The following SPAG16 variants were observed in gnomAD, a reference collection of about 807,000 sequenced individuals.
The protein encoded by SPAG16 is sperm associated antigen 16.
SPAG16 carries 86 observed loss-of-function variants against 80.4 expected under a neutral mutation model. The ratio of observed to expected loss-of-function variants is 1.07; its 90% CI spans 0.90 to 1.28. SPAG16 has a LOEUF of 1.28. Ranked by LOEUF, SPAG16 falls within the 50% of genes most tolerant of loss-of-function variation. The pLI is 0.00. For synonymous variants in SPAG16, 294 were observed against 265.9 expected, an observed-to-expected ratio of 1.11 and a Z score of -1.03; for missense variants, 870 against 765.3, an observed-to-expected ratio of 1.14 and a Z score of -1.61.
intron 15 of SPAG16, among the ~76,000 whole-genome samples, chr2:214,173,717 T>G (rs976550656): frequency 6.6e-6 from 1 of 151,844 alleles, no homozygotes; most frequent in Non-Finnish European, 1.5e-5. Context: ...CCTCCCTAAC[T>G]CATTTTATGA....
chr2:213,683,346 T>C (rs1385053884), intron 10 of SPAG16, among the ~76,000 whole-genome samples: 2 of 152,064 alleles, frequency 1.3e-5, no homozygotes, highest in African/African-American at 4.8e-5. Context: ...AGGTCAGAAG[T>C]TCAAGAGCAG....
intron 10 of SPAG16, among the ~76,000 whole-genome samples, chr2:213,856,522 C>T (rs893639198): frequency 1.3e-5 from 2 of 152,224 alleles, no homozygotes; most frequent in East Asian, 3.9e-4. Flanking sequence ...AGCAGAGGTT[C>T]TCCATGAGGA....
intron 10 of SPAG16, among the ~76,000 whole-genome samples, chr2:213,846,780 A>G (rs1336348571): frequency 1.3e-5 from 2 of 152,192 alleles, no homozygotes; most frequent in African/African-American, 2.4e-5. Context: ...ATTTGCACCA[A>G]TTTAGTGACT....
At chr2:213,429,526 C>A (rs2070157401) in intron 9 of SPAG16, among the ~76,000 whole-genome samples, 2 of 152,132 alleles carry the variant, frequency 1.3e-5, no homozygotes, top group Admixed American at 6.5e-5. Flanking sequence ...GAACTATTGG[C>A]CTGAAGTTCG....
At chr2:214,375,549 C>T (rs560947574) in intron 15 of SPAG16, among the ~76,000 whole-genome samples, 3 of 152,160 alleles carry the variant, frequency 2.0e-5, no homozygotes, top group Non-Finnish European at 4.4e-5. Context: ...CAAATACACA[C>T]ACACAAACTT....
Position 214,149,169 on chromosome 2 carries a change from TG to T in SPAG16, c.1627del (p.Val543LeufsTer18). 6.3e-7 allele frequency: 1 copy of T among 1,591,546 alleles called. No individual in the cohort carries two copies. Among genetic ancestry groups the T allele is most frequent in the South Asian group, 1.1e-5 (1 of 89,596 alleles). ...ACATGATAGCATCCTGTGATGCCTG[TG>T]GGGTTACAAAGCTGTGGGACTTTCG... Reference protein sequence around the residue: ...GHMIASCDACGVTKLWDFRKL... With the variant: ...GHMIASCDACXVTKLWDFRKL... On this transcript the variant is annotated frameshift_variant, in exon 15 of 16. Coordinates refer to ENST00000331683, the MANE Select transcript of SPAG16 (RefSeq NM_024532.5). LOFTEE classifies it high-confidence loss of function.
intron 14 of SPAG16, among the ~76,000 whole-genome samples, chr2:214,112,561 T>C (rs1336503680): frequency 6.6e-6 from 1 of 152,146 alleles, no homozygotes; most frequent in African/African-American, 2.4e-5. Context: ...TTTACCGTTA[T>C]GTAATGGCTT....
At chr2:213,382,137 A>C (rs2067205338) in intron 9 of SPAG16, among the ~76,000 whole-genome samples, 1 of 152,202 alleles carries the variant, frequency 6.6e-6, no homozygotes, top group Admixed American at 6.5e-5. Flanking sequence ...TGACATTGAA[A>C]CAAGAGTGGA....
intron 15 of SPAG16, among the ~76,000 whole-genome samples, chr2:214,341,198 C>G (rs1437346687): frequency 2.0e-5 from 3 of 151,906 alleles, no homozygotes; most frequent in African/African-American, 7.3e-5. Flanking sequence ...TTGAAAAATA[C>G]ATATTTGGAA....
At chr2:214,395,285 C>A (rs1574500335) in intron 15 of SPAG16, among the ~76,000 whole-genome samples, 2 of 152,144 alleles carry the variant, frequency 1.3e-5, no homozygotes, top group East Asian at 3.9e-4. Context: ...AACTGCTAAA[C>A]CATCTTCCAA....
intron 2 of SPAG16, among the ~76,000 whole-genome samples, chr2:213,296,796 C>A (rs1448749807): frequency 6.6e-6 from 1 of 152,122 alleles, no homozygotes; most frequent in Non-Finnish European, 1.5e-5. Flanking sequence ...ACATAAGAAG[C>A]GTGTGTTAAG....
intron 10 of SPAG16, among the ~76,000 whole-genome samples, chr2:213,668,320 T>C (rs1026884987): frequency 6.6e-6 from 1 of 152,102 alleles, no homozygotes; most frequent in East Asian, 1.9e-4. Context: ...GGGTGCTTTT[T>C]TTTTTTTGAA....
chr2:213,465,575 C>T (rs2072639023), intron 9 of SPAG16, among the ~76,000 whole-genome samples: 1 of 152,142 alleles, frequency 6.6e-6, no homozygotes, highest in Admixed American at 6.5e-5. Flanking sequence ...ACTGTAGATT[C>T]CTCCAATAGC....
intron 13 of SPAG16, among the ~76,000 whole-genome samples, chr2:214,040,410 G>T (rs946316961): frequency 3.3e-5 from 5 of 152,118 alleles, no homozygotes; most frequent in Non-Finnish European, 7.4e-5. Context: ...GTATTCATTA[G>T]TTGTTTTTCC....
intron 15 of SPAG16, among the ~76,000 whole-genome samples, chr2:214,268,377 T>C (rs1407965256): frequency 6.6e-6 from 1 of 151,942 alleles, no homozygotes; most frequent in African/African-American, 2.4e-5. Context: ...CTCTTCACAA[T>C]AGTCACGATA....
chr2:214,091,866 ATATTAT>A (rs1205318053), intron 13 of SPAG16, among the ~76,000 whole-genome samples: 1 of 152,086 alleles, frequency 6.6e-6, no homozygotes, highest in Non-Finnish European at 1.5e-5. Flanking sequence ...GTTTTATGAA[ATATTAT>A]TATTAATCCA....
At chr2:214,199,434 G>A (rs2057947463) in intron 15 of SPAG16, among the ~76,000 whole-genome samples, 1 of 152,010 alleles carries the variant, frequency 6.6e-6, no homozygotes, top group East Asian at 1.9e-4. Context: ...TTATTTCTGG[G>A]TTCTCTATTC....
chr2:213,867,537 T>C (rs2075740605), intron 11 of SPAG16, among the ~76,000 whole-genome samples: 1 of 152,178 alleles, frequency 6.6e-6, no homozygotes, highest in African/African-American at 2.4e-5. Flanking sequence ...TTATAATATC[T>C]GAAAAACACA....
chr2:213,746,036 A>C (rs2067805874), intron 10 of SPAG16, among the ~76,000 whole-genome samples: 1 of 152,218 alleles, frequency 6.6e-6, no homozygotes, highest in Admixed American at 6.5e-5. Context: ...TCAACATTTA[A>C]TTGACTAAGT....
Sources: gnomAD v4.1 joint callset for allele counts (sites outside exome capture counted in the v4.1 genomes callset) on GRCh38, gnomAD v4.1.1 for gene constraint, MANE v1.5 for transcripts, NCBI Gene and HGNC (gene_info 2026-07-23, HGNC 2026-07-21) for gene names.